CAMTA1: variants seen among roughly 807,000 people sequenced by gnomAD.
The protein encoded by CAMTA1 is calmodulin-binding transcription activator 1.
Under a neutral mutation model 170.9 loss-of-function variants are expected in CAMTA1, and 27 were observed. The observed-to-expected ratio is 0.16, with a 90% CI of 0.12 to 0.22. The LOEUF (loss-of-function observed/expected upper bound fraction) is 0.22, where lower values mean the gene tolerates loss of function less well. CAMTA1 is among the 10% of genes least tolerant of loss of function. The probability of loss-of-function intolerance (pLI) is 1.00; values close to 1 mark genes in which losing one functional copy is unlikely to be tolerated. For missense variants in CAMTA1, 1,619 were observed against 2,217.2 expected, an observed-to-expected ratio of 0.73 and a Z score of 5.42; for synonymous variants, 833 against 891.5, an observed-to-expected ratio of 0.93 and a Z score of 1.17.
rs191715822 is a variant in CAMTA1 at position 7,251,262 on chromosome 1, C to A, written c.438+1636C>A. ...AGGGGAGAAAACAACCCACAGTGTT[C>A]GTTTTCTTTCCTCATGTTATAAATT... On this transcript the variant is annotated intron_variant, in intron 5 of 22. Transcript: ENST00000303635. The surrounding 1 kb of genome is among the most constrained non-coding windows in gnomAD (Gnocchi z 5.1). Among the ~76,000 whole-genome samples, 1 of 152,262 alleles carries A rather than the reference C, an allele frequency of 6.6e-6. No homozygotes were observed. The highest frequency in any genetic ancestry group is 6.5e-5 in the Admixed American group (1 of 15,300).
At chr1:7,735,670 G>A (rs1227769879) in intron 12 of CAMTA1, among the ~76,000 whole-genome samples, 2 of 152,194 alleles carry the variant, frequency 1.3e-5, no homozygotes, top group Middle Eastern at 3.4e-3. Context: ...AGATAGACTC[G>A]TGTCTGTAGA....
In CAMTA1 at chr1:7,463,295, G is replaced by A. The variant is rs2093134113; in HGVS notation, c.439-4535G>A. On this transcript the variant is annotated intron_variant, in intron 5 of 22. Transcript: ENST00000303635. The surrounding 1 kb of genome is among the most constrained non-coding windows in gnomAD (Gnocchi z 4.7). ...AAGGAAAGGGATGGAGGGTGTGTGT[G>A]TGTCAGACACAGAGACAGGGACAGG... Among the ~76,000 whole-genome samples the A allele has an allele frequency of 6.6e-6, 1 of 152,184 alleles. No individual in the cohort carries two copies. Among genetic ancestry groups the A allele is most frequent in the Non-Finnish European group, 1.5e-5 (1 of 68,040 alleles).
intron 3 of CAMTA1, among the ~76,000 whole-genome samples, chr1:6,973,103 C>T (rs763520176): frequency 2.0e-5 from 3 of 152,310 alleles, no homozygotes; most frequent in East Asian, 1.9e-4. Flanking sequence ...CCATCCACCT[C>T]GGCCTCCCAA....
At chr1:6,870,290 G>A (rs1668030269) in intron 3 of CAMTA1, among the ~76,000 whole-genome samples, 1 of 152,054 alleles carries the variant, frequency 6.6e-6, no homozygotes, top group African/African-American at 2.4e-5. Flanking sequence ...CAGACTTTAT[G>A]TGAGATGAGC....
At chr1:7,488,395 G>A (rs747332334) in intron 6 of CAMTA1, among the ~76,000 whole-genome samples, 2 of 152,108 alleles carry the variant, frequency 1.3e-5, no homozygotes, top group African/African-American at 2.4e-5. Flanking sequence ...CCCCAGCTTC[G>A]CTCCTGGAGC....
rs1049586354 is a variant in CAMTA1, at chr1:7,426,746, C to T, written c.439-41084C>T. ...CTGAGATTCAGAGACGTGGGAGTTC[C>T]GAATGAGATCATTTTTGTGCCTGGT... On this transcript the variant is annotated intron_variant, in intron 5 of 22. Transcript: ENST00000303635. The surrounding 1 kb of genome is among the most constrained non-coding windows in gnomAD (Gnocchi z 4.8). Among the ~76,000 whole-genome samples, 3 of 152,066 alleles carry T rather than the reference C, an allele frequency of 2.0e-5. No individual in the cohort carries two copies. The highest frequency in any genetic ancestry group is 7.2e-5 in the African/African-American group (3 of 41,414).
At chr1:7,244,842 T>C (rs1283867293) in intron 4 of CAMTA1, among the ~76,000 whole-genome samples, 1 of 151,962 alleles carries the variant, frequency 6.6e-6, no homozygotes, top group Non-Finnish European at 1.5e-5. Context: ...TGTATACATA[T>C]GTAACAAACC....
In CAMTA1 at chr1:6,968,929, G is replaced by A. The variant is rs191633321; in HGVS notation, c.235-122375G>A. On this transcript the variant is annotated intron_variant, in intron 3 of 22. Coordinates refer to ENST00000303635, the MANE Select transcript of CAMTA1 (RefSeq NM_015215.4). ...GCTAGTGGAGGACAGGTGTGCTGAG[G>A]TGGGCTGCAGAGGCACGGGGCGAGG... Among the ~76,000 whole-genome samples, 1,231 of 152,268 alleles carry A rather than the reference G, an allele frequency of 8.1e-3. 12 individuals are homozygous for A. The highest frequency in any genetic ancestry group is 0.012 in the Non-Finnish European group (846 of 68,028).
At chr1:7,507,051 C>A (rs561381898) in intron 6 of CAMTA1, among the ~76,000 whole-genome samples, 1 of 150,072 alleles carries the variant, frequency 6.7e-6, no homozygotes, top group Admixed American at 6.6e-5. Context: ...TTATCACACT[C>A]AAAATTCACA....
In CAMTA1 at chr1:7,451,884, G is replaced by A. The variant is rs562887971; in HGVS notation, c.439-15946G>A. 4.6e-5 allele frequency among the ~76,000 whole-genome samples: 7 copies of A among 152,340 alleles called. No homozygotes were observed. In the South Asian group the frequency reaches 1.5e-3, roughly 32 times the overall value. ...CTGCTGGGCCGCGTGTGCAGACCCAGGGATGCAGAAATACATGAAAGGTCA... is the reference window on the plus strand; with the variant it reads ...CTGCTGGGCCGCGTGTGCAGACCCAAGGATGCAGAAATACATGAAAGGTCA... On this transcript the variant is annotated intron_variant, in intron 5 of 22. Transcript: ENST00000303635.
At chr1:6,921,153 TG>T (rs1443198625) in intron 3 of CAMTA1, among the ~76,000 whole-genome samples, 2 of 152,390 alleles carry the variant, frequency 1.3e-5, no homozygotes, top group African/African-American at 4.8e-5. Flanking sequence ...ACATCTTGAA[TG>T]TTTTACTGCT....
At chr1:7,548,348 T>G (rs1235662169) in intron 6 of CAMTA1, among the ~76,000 whole-genome samples, 1 of 152,108 alleles carries the variant, frequency 6.6e-6, no homozygotes, top group African/African-American at 2.4e-5. Flanking sequence ...GGAGGAAGAT[T>G]CCCATGCAGG....
At chr1:7,331,778 A>G (rs193016105) in intron 5 of CAMTA1, among the ~76,000 whole-genome samples, 1 of 152,162 alleles carries the variant, frequency 6.6e-6, no homozygotes, top group African/African-American at 2.4e-5. Context: ...GACCTTCTCA[A>G]CTGCAATGGA....
At chr1:7,397,030 A>C (rs2089369470) in intron 5 of CAMTA1, among the ~76,000 whole-genome samples, 1 of 152,152 alleles carries the variant, frequency 6.6e-6, no homozygotes, top group Admixed American at 6.5e-5. Context: ...AGTTTGGAAG[A>C]ATTCCCTCTT....
chr1:7,305,571 G>A (rs1262062263), intron 5 of CAMTA1, among the ~76,000 whole-genome samples: 3 of 151,826 alleles, frequency 2.0e-5, no homozygotes, highest in African/African-American at 7.3e-5. Flanking sequence ...TCTGCTCAAC[G>A]TTGCCATTCA....
Position 7,672,066 on chromosome 1 carries a change from T to A in CAMTA1, c.2779+1029T>A, listed in dbSNP as rs760462046. On this transcript the variant is annotated intron_variant, in intron 10 of 22. Transcript: ENST00000303635. ...ATCTCATCACCACCAGCCCTCAGGA[T>A]GGCCTGTCCAGTGAGCCCTGACCAT... 3 of 455,838 alleles carry A rather than the reference T, an allele frequency of 6.6e-6. No homozygotes were observed. In the Admixed American group the frequency reaches 7.1e-5, roughly 11 times the overall value. 28.2% of individuals were successfully genotyped at this position (455,838 alleles called of 1,614,324 possible). A position where few individuals can be genotyped will look rare whatever the true frequency, so the allele number is the denominator to read the frequency against.
chr1:6,954,313 G>C (rs1037493382), intron 3 of CAMTA1, among the ~76,000 whole-genome samples: 2 of 152,182 alleles, frequency 1.3e-5, no homozygotes, highest in African/African-American at 4.8e-5. Flanking sequence ...CCCAGCTGTT[G>C]TGGGGTTGAA....
At chr1:7,305,383 C>T (rs1574553139) in intron 5 of CAMTA1, among the ~76,000 whole-genome samples, 1 of 32,542 alleles carries the variant, frequency 3.1e-5, no homozygotes, top group African/African-American at 2.0e-4. Context: ...TAAAACAAAA[C>T]AAAGCAAAAA....
At chr1:7,029,412 G>T (rs148784522) in intron 3 of CAMTA1, among the ~76,000 whole-genome samples, 3,043 of 144,948 alleles carry the variant, frequency 0.021, 90 homozygotes, top group African/African-American at 0.072. Flanking sequence ...TGAGGCAGGA[G>T]AATGGTGCGA....
Sources: allele counts gnomAD v4.1 joint callset (sites outside exome capture counted in the v4.1 genomes callset), GRCh38; gene constraint gnomAD v4.1.1; non-coding constraint Gnocchi (gnomAD v3.1); transcripts MANE v1.5; gene names NCBI Gene and HGNC (gene_info 2026-07-23, HGNC 2026-07-21).